HHLA1: variants seen among roughly 807,000 people sequenced by gnomAD.
The protein encoded by HHLA1 is HHLA1 neighbor of OC90.
In HHLA1, 72 loss-of-function variants were observed where a neutral mutation model predicts 69.9. The ratio of observed to expected loss-of-function variants is 1.03; its 90% CI spans 0.85 to 1.25. The LOEUF (loss-of-function observed/expected upper bound fraction) is 1.25, where lower values mean the gene tolerates loss of function less well. Ranked by LOEUF, HHLA1 falls within the 50% of genes most tolerant of loss-of-function variation. HHLA1 has a pLI of 0.00. For missense variants in HHLA1, 685 were observed against 642.2 expected (o/e 1.07, Z -0.72); for synonymous variants, 252 against 233.2 (o/e 1.08, Z -0.73).
At chr8:132,066,349 C>G (rs867507134) in intron 15 of HHLA1, among the ~76,000 whole-genome samples, 1 of 152,160 alleles carries the variant, frequency 6.6e-6, no homozygotes, top group Admixed American at 6.5e-5. Context: ...CAGTACCCAG[C>G]ATACAAGAGG....
At chr8:132,102,770 G>C (rs969197734) in intron 3 of HHLA1, among the ~76,000 whole-genome samples, 1 of 151,148 alleles carries the variant, frequency 6.6e-6, no homozygotes, top group African/African-American at 2.4e-5. Flanking sequence ...TGGGCCCTGT[G>C]TCATCTTCTT....
At chr8:132,084,494 C>T (rs551964295) in intron 10 of HHLA1, among the ~76,000 whole-genome samples, 1 of 152,184 alleles carries the variant, frequency 6.6e-6, no homozygotes, top group African/African-American at 2.4e-5. Flanking sequence ...GACAGTTTGC[C>T]TATTTTACGA....
intron 15 of HHLA1, among the ~76,000 whole-genome samples, chr8:132,068,995 G>A (rs750593837): frequency 1.3e-5 from 2 of 152,210 alleles, no homozygotes; most frequent in African/African-American, 2.4e-5. Flanking sequence ...TGAACAAGGA[G>A]GGAGTAGAAA....
At position 132,079,763 on chromosome 8, in the gene HHLA1, C is replaced by T; in HGVS notation, c.880G>A (p.Ala294Thr). The T allele has an allele frequency of 1.3e-6, 2 of 1,551,494 alleles. No homozygotes were observed. The highest frequency in any genetic ancestry group is 1.7e-6 in the Non-Finnish European group (2 of 1,146,912). The stretch of plus-strand genomic sequence containing the variant: ...GAGGCACTGAACCATGTGGCTGTGG[C>T]CCTGGCTGGAAGCTCAGGAGGCCTG... ...TGRPPELPAR[A>T]TATWFSASHT... Residue 294 changes from alanine (A) to threonine (T), a missense_variant, in exon 11 of 17, where the codon GCC becomes ACC. By Grantham distance (58) the Ala-to-Thr change is moderately conservative (BLOSUM62 0). Coordinates refer to ENST00000414222, the MANE Select transcript of HHLA1 (RefSeq NM_001145095.3).
chr8:132,081,062 G>A (rs1823745106), intron 10 of HHLA1: 1 of 152,164 alleles, frequency 6.6e-6, no homozygotes, highest in African/African-American at 2.4e-5. Flanking sequence ...ATTCAGCATA[G>A]TCCTGCCAGC....
At chr8:132,097,793 A>G (rs1234657197) in intron 5 of HHLA1, among the ~76,000 whole-genome samples, 1 of 152,216 alleles carries the variant, frequency 6.6e-6, no homozygotes, top group Non-Finnish European at 1.5e-5. Context: ...TGTAATTTAC[A>G]GCAACAGGCA....
At chr8:132,089,640 G>A in intron 7 of HHLA1, 41 bp from the exon 8 acceptor site, 2 of 945,322 alleles carry the variant, frequency 2.1e-6, no homozygotes, top group South Asian at 1.4e-5. Context: ...CTGCTTCAGA[G>A]ACAAAAGGAG....
At chr8:132,075,169 C>T (rs1224692255) in intron 14 of HHLA1, among the ~76,000 whole-genome samples, 1 of 152,194 alleles carries the variant, frequency 6.6e-6, no homozygotes, top group Non-Finnish European at 1.5e-5. Context: ...TCACTATTCA[C>T]TGCAGGCTGA....
chr8:132,076,324 C>T (rs1048593579), intron 13 of HHLA1, 151 bp downstream of exon 13: 2 of 699,384 alleles, frequency 2.9e-6, no homozygotes, highest in Admixed American at 2.7e-5. Flanking sequence ...TAAACCAGTT[C>T]TCCTGACTCT....
intron 10 of HHLA1, chr8:132,080,808 G>A (rs1486318526): frequency 2.0e-5 from 3 of 152,288 alleles, no homozygotes; most frequent in African/African-American, 4.8e-5. Context: ...TGCTTCAAGC[G>A]GGATTAGGGG....
chr8:132,079,732 G>T lies in HHLA1; in HGVS notation c.911C>A (p.Thr304Asn), dbSNP rs1404274160. 1 of 1,550,184 alleles carries T rather than the reference G, an allele frequency of 6.5e-7. No individual in the cohort carries two copies. The highest frequency in any genetic ancestry group is 1.2e-5 in the South Asian group (1 of 83,808). Residue 304 changes from threonine (T) to asparagine (N), a missense_variant, in exon 11 of 17, where the codon ACT (threonine) becomes AAT (asparagine). By Grantham distance (65) the Thr-to-Asn change is moderately conservative (BLOSUM62 0). Transcript: ENST00000414222. ...ATGCATCTTACCCAAGGCTGGGAGA[G>T]TGTGGGAGGCACTGAACCATGTGGC... ...ATATWFSASH[T>N]LPALATRRVA...
intron 15 of HHLA1, chr8:132,070,377 A>G (rs1198458293): frequency 2.8e-6 from 2 of 702,052 alleles, no homozygotes; most frequent in Non-Finnish European, 5.2e-6. Context: ...GATTTATGAA[A>G]GAACTGGAAT....
At position 132,062,450 on chromosome 8, in the gene HHLA1, A is replaced by G. The variant is rs1823368353; in HGVS notation, c.*1545T>C. ...GCAGAAACTGTTTTCTACTTAGATG[A>G]TGAACAGAAAGTGACTTTCCTCACC... On this transcript the variant is annotated 3_prime_UTR_variant, in exon 17 of 17. Coordinates refer to ENST00000414222, the MANE Select transcript of HHLA1 (RefSeq NM_001145095.3). 6.6e-6 allele frequency: 1 copy of G among 152,190 alleles called. No individual in the cohort carries two copies. The highest frequency in any genetic ancestry group is 1.5e-5 in the Non-Finnish European group (1 of 68,052). 9.4% of individuals were successfully genotyped at this position (152,190 alleles called of 1,614,324 possible). A position where few individuals can be genotyped will look rare whatever the true frequency, so the allele number is the denominator to read the frequency against.
chr8:132,094,856 T>C (rs1166159002), intron 7 of HHLA1, among the ~76,000 whole-genome samples: 2 of 152,234 alleles, frequency 1.3e-5, no homozygotes, highest in Non-Finnish European at 2.9e-5. Context: ...CACGCTCAGA[T>C]GGAATTACTG....
intron 10 of HHLA1, chr8:132,085,445 C>T (rs570238566): frequency 2.5e-6 from 1 of 396,308 alleles, no homozygotes. Context: ...GCTGGTCTGT[C>T]TGAGGACCTG....
intron 15 of HHLA1, among the ~76,000 whole-genome samples, chr8:132,069,178 C>G (rs2130875365): frequency 6.6e-6 from 1 of 152,260 alleles, no homozygotes; most frequent in South Asian, 2.1e-4. Flanking sequence ...ATGCTCCAGG[C>G]TACCCGTGAC....
chr8:132,099,809 G>A (rs1184746583), intron 4 of HHLA1, among the ~76,000 whole-genome samples: 1 of 151,876 alleles, frequency 6.6e-6, no homozygotes, highest in Non-Finnish European at 1.5e-5. Context: ...AGCCAAGATC[G>A]TGCTATTGCA....
At chr8:132,096,432 A>G (rs921091532) in intron 5 of HHLA1, among the ~76,000 whole-genome samples, 2 of 152,244 alleles carry the variant, frequency 1.3e-5, no homozygotes, top group Non-Finnish European at 2.9e-5. Context: ...CTTTTGACAT[A>G]TAAAGTAGTA....
rs1009651136 is a variant in HHLA1 at position 132,063,980 on chromosome 8, G to A, written c.*15C>T. The A allele has an allele frequency of 2.3e-6, 3 of 1,291,696 alleles. No individual in the cohort carries two copies. Among genetic ancestry groups the A allele is most frequent in the Admixed American group, 4.6e-5 (2 of 43,304 alleles). The allele number at this position is 1,291,696 out of a possible 1,614,324, so 80.0% of individuals were successfully genotyped here. Reference sequence around the variant, plus strand: ...CCTGAAGTAATTGTTATGCCCTAGTGTTATTTTCAAGGCCTCACACAGACT... The same window carrying A: ...CCTGAAGTAATTGTTATGCCCTAGTATTATTTTCAAGGCCTCACACAGACT... On this transcript the variant is annotated 3_prime_UTR_variant, in exon 17 of 17. Coordinates refer to ENST00000414222, the MANE Select transcript of HHLA1 (RefSeq NM_001145095.3).
Sources: gnomAD v4.1 joint callset for allele counts (sites outside exome capture counted in the v4.1 genomes callset) on GRCh38, gnomAD v4.1.1 for gene constraint, MANE v1.5 for transcripts, NCBI Gene and HGNC (gene_info 2026-07-23, HGNC 2026-07-21) for gene names.